The following SPA17 variants were observed in gnomAD, a reference collection of about 807,000 sequenced individuals.
The protein encoded by SPA17 is sperm autoantigenic protein 17, also known as sperm surface protein Sp17.
SPA17 carries 7 observed loss-of-function variants against 13.8 expected under a neutral mutation model. The observed-to-expected ratio is 0.51, with a 90% CI of 0.29 to 0.95. The LOEUF (loss-of-function observed/expected upper bound fraction) is 0.95, where lower values mean the gene tolerates loss of function less well. Ranked by LOEUF, SPA17 falls within the 40% of genes least tolerant of loss-of-function variation. SPA17 has a pLI of 0.08. For missense variants in SPA17, 170 were observed against 179.3 expected (o/e 0.95, Z 0.30); for synonymous variants, 61 against 59.0 (o/e 1.03, Z -0.16).
chr11:124,695,326 A>G lies in SPA17; in HGVS notation c.*880A>G, dbSNP rs112448335. ...CACAGAACAAGACTAATAACATCAT[A>G]TTGTAAAAAGCAAAAGCTATCATAT... On this transcript the variant is annotated 3_prime_UTR_variant, in exon 5 of 5. Transcript: ENST00000227135. 1 of 152,354 alleles carries G rather than the reference A, an allele frequency of 6.6e-6. No homozygotes were observed. Among genetic ancestry groups the G allele is most frequent in the African/African-American group, 2.4e-5 (1 of 41,588 alleles). The allele number at this position is 152,354 out of a possible 1,614,324, so 9.4% of individuals were successfully genotyped here. A position where few individuals can be genotyped will look rare whatever the true frequency, so the allele number is the denominator to read the frequency against.
At chr11:124,675,585 C>A in intron 2 of SPA17, 167 bp downstream of exon 2, 1 of 627,460 alleles carries the variant, frequency 1.6e-6, no homozygotes, top group Non-Finnish European at 2.6e-6. Context: ...TTGATATGTT[C>A]TCTTAAATTC....
intron 3 of SPA17, among the ~76,000 whole-genome samples, chr11:124,687,073 TAAAC>T (rs1943584508): frequency 6.6e-6 from 1 of 151,670 alleles, no homozygotes; most frequent in Non-Finnish European, 1.5e-5. Flanking sequence ...AAGACCCAAA[TAAAC>T]AAAATCAGAA....
intron 2 of SPA17, among the ~76,000 whole-genome samples, chr11:124,676,909 A>T (rs1943471062): frequency 6.6e-6 from 1 of 152,230 alleles, no homozygotes; most frequent in South Asian, 2.1e-4. Context: ...TTGGAAGGGG[A>T]AAAAACTAAA....
intron 2 of SPA17, chr11:124,675,910 A>G (rs1047330692): frequency 6.5e-6 from 1 of 153,368 alleles, no homozygotes; most frequent in African/African-American, 2.4e-5. Context: ...TCACTGGGGT[A>G]TATGAAACTG....
intron 3 of SPA17, among the ~76,000 whole-genome samples, chr11:124,688,186 T>C (rs1349521841): frequency 6.6e-6 from 1 of 152,212 alleles, no homozygotes; most frequent in Non-Finnish European, 1.5e-5. Context: ...ATAATGTTTT[T>C]GTCTTTTGTA....
chr11:124,681,159 G>T, intron 2 of SPA17, among the ~76,000 whole-genome samples: 1 of 151,930 alleles, frequency 6.6e-6, no homozygotes, highest in South Asian at 2.1e-4. Context: ...TACGTTTTTA[G>T]TGCTTTTCTA....
At chr11:124,674,840 TA>T (rs770029810) in intron 1 of SPA17, 5 of 152,452 alleles carry the variant, frequency 3.3e-5, no homozygotes, top group Admixed American at 6.5e-5. Flanking sequence ...TTCTACTCTT[TA>T]AAAAAAAATA....
intron 2 of SPA17, among the ~76,000 whole-genome samples, chr11:124,679,150 A>AT (rs1436843906): frequency 6.6e-6 from 1 of 151,796 alleles, no homozygotes; most frequent in Non-Finnish European, 1.5e-5. Flanking sequence ...AAAAAAAAAA[A>AT]GCAATTTCTA....
At position 124,697,352 on chromosome 11, in the gene SPA17, G is replaced by A. The variant is rs1434677417; in HGVS notation, c.*2906G>A. ...GGTTTGTGGGCTGACAGGAAGGTCT[G>A]CTTCAGGCTGTGGGCCCAAGGGTCA... On this transcript the variant is annotated 3_prime_UTR_variant, in exon 5 of 5. Transcript: ENST00000227135. 1 of 152,320 alleles carries A rather than the reference G, an allele frequency of 6.6e-6. No individual in the cohort carries two copies. Among genetic ancestry groups the A allele is most frequent in the Non-Finnish European group, 1.5e-5 (1 of 68,124 alleles). The allele number at this position is 152,320 out of a possible 1,614,324, so 9.4% of individuals were successfully genotyped here. A position where few individuals can be genotyped will look rare whatever the true frequency, so the allele number is the denominator to read the frequency against.
intron 3 of SPA17, among the ~76,000 whole-genome samples, chr11:124,687,489 A>G (rs1330571463): frequency 6.6e-6 from 1 of 152,184 alleles, no homozygotes; most frequent in Non-Finnish European, 1.5e-5. Context: ...TGAGACAAGG[A>G]CCCAACAAAA....
chr11:124,680,546 G>A (rs904280214), intron 2 of SPA17, among the ~76,000 whole-genome samples: 2 of 152,162 alleles, frequency 1.3e-5, no homozygotes, highest in Admixed American at 6.5e-5. Flanking sequence ...CGTTTTCGGG[G>A]TCCTGATTTG....
chr11:124,689,595 G>A (rs1281097740), intron 3 of SPA17, among the ~76,000 whole-genome samples: 1 of 152,038 alleles, frequency 6.6e-6, no homozygotes, highest in African/African-American at 2.4e-5. Flanking sequence ...ACATTAGCAT[G>A]CGCAACATGG....
chr11:124,673,941 G>A lies in SPA17; in HGVS notation c.-39G>A. The stretch of plus-strand genomic sequence containing the variant: ...AACCGGAACCGGCGGCACCAGCTCG[G>A]AGAGAAAGGAGGTGAGGCCGCTTCC... On this transcript the variant is annotated 5_prime_UTR_variant, in exon 1 of 5. Transcript: ENST00000227135. The A allele has an allele frequency of 1.7e-6, 1 of 580,352 alleles. No individual in the cohort carries two copies. The highest frequency in any genetic ancestry group is 2.1e-5 in the South Asian group (1 of 47,228). 36.0% of individuals were successfully genotyped at this position (580,352 alleles called of 1,614,324 possible).
chr11:124,686,319 A>C (rs986738084), intron 3 of SPA17, among the ~76,000 whole-genome samples: 54 of 152,284 alleles, frequency 3.5e-4, no homozygotes, highest in African/African-American at 1.3e-3. Context: ...GCCATGCAGA[A>C]CTGTGAGTCA....
rs1301378790 is a variant in SPA17 at position 124,695,920 on chromosome 11, T to TATTTCTGCAAAG, written c.*1474_*1475insATTTCTGCAAAG. 1 of 152,272 alleles carries TATTTCTGCAAAG rather than the reference T, an allele frequency of 6.6e-6. No homozygotes were observed. Among genetic ancestry groups the TATTTCTGCAAAG allele is most frequent in the Non-Finnish European group, 1.5e-5 (1 of 68,078 alleles). 9.4% of individuals were successfully genotyped at this position (152,272 alleles called of 1,614,324 possible). A position where few individuals can be genotyped will look rare whatever the true frequency, so the allele number is the denominator to read the frequency against. On this transcript the variant is annotated 3_prime_UTR_variant, in exon 5 of 5. Transcript: ENST00000227135. ...GCTCTTTCTGCAAAGCAGTTTTATT[T>TATTTCTGCAAAG]CAGGTGCCTCACTGCCCTTCCCTGG...
intron 3 of SPA17, among the ~76,000 whole-genome samples, chr11:124,681,675 T>G (rs1249605677): frequency 1.3e-5 from 2 of 151,994 alleles, no homozygotes; most frequent in African/African-American, 4.8e-5. Context: ...TATTAAAACT[T>G]ATTAAATTAA....
At position 124,694,324 on chromosome 11, in the gene SPA17, G is replaced by A; in HGVS notation, c.334G>A (p.Glu112Lys). 1 of 1,613,800 alleles carries A rather than the reference G, an allele frequency of 6.2e-7. No individual in the cohort carries two copies. The highest frequency in any genetic ancestry group is 8.5e-7 in the Non-Finnish European group (1 of 1,179,914). The change falls in exon 5 of 5, where the codon GAA becomes AAA. Residue 112 changes from glutamate to lysine, a missense_variant. By Grantham distance (56) the Glu-to-Lys change is moderately conservative (BLOSUM62 1). Coordinates refer to ENST00000227135, the MANE Select transcript of SPA17 (RefSeq NM_017425.4). ...TILDSSEEDKEKEEVAAVKIQ... is the reference protein window; with the variant it reads ...TILDSSEEDKKKEEVAAVKIQ... ...GAAGGACTCTTCTGAGGAAGATAAG[G>A]AAAAAGAAGAGGTTGCTGCTGTCAA...
At chr11:124,686,277 G>A (rs948278950) in intron 3 of SPA17, among the ~76,000 whole-genome samples, 15 of 151,792 alleles carry the variant, frequency 9.9e-5, no homozygotes, top group East Asian at 3.9e-4. Flanking sequence ...GGTGCCCTCC[G>A]CCTTGATTGT....
intron 3 of SPA17, among the ~76,000 whole-genome samples, chr11:124,689,314 G>A (rs1328493232): frequency 6.6e-6 from 1 of 152,080 alleles, no homozygotes; most frequent in Non-Finnish European, 1.5e-5. Flanking sequence ...TAGACAAATG[G>A]GACTTAATTA....
Sources: allele counts gnomAD v4.1 joint callset (sites outside exome capture counted in the v4.1 genomes callset), GRCh38; gene constraint gnomAD v4.1.1; transcripts MANE v1.5; gene names NCBI Gene and HGNC (gene_info 2026-07-23, HGNC 2026-07-21).